Variants in OPA1 observed in about 807,000 individuals in gnomAD.
The protein encoded by OPA1 is dynamin-like GTPase OPA1, mitochondrial.
A neutral mutation model predicts 152.9 loss-of-function variants in OPA1; 59 were observed. The observed-to-expected ratio is 0.39, with a 90% confidence interval of 0.31 to 0.48. OPA1 has a LOEUF of 0.48. Among genes scored for constraint, OPA1 ranks in the 20% least tolerant of loss-of-function variants. The pLI, the probability that OPA1 is intolerant of heterozygous loss-of-function variation, is 0.96. For missense variants in OPA1, 1,008 were observed against 1,216.8 expected, an observed-to-expected ratio of 0.83 and a Z score of 2.55; for synonymous variants, 400 against 389.9, an observed-to-expected ratio of 1.03 and a Z score of -0.31.
At chr3:193,597,236 A>C (rs1249466922) in intron 1 of OPA1, among the ~76,000 whole-genome samples, 1 of 152,166 alleles carries the variant, frequency 6.6e-6, no homozygotes, top group African/African-American at 2.4e-5. Flanking sequence ...AGTGAGATAG[A>C]GGTAAAGCTA....
Position 193,627,775 on chromosome 3 carries a change from G to A in OPA1, c.789+1573G>A, listed in dbSNP as rs1731399337. ...TGTTCATTTTAAGCCTACTTTAGTA[G>A]CCTTTATTTGGGCTTAGAGATGTTA... On this transcript the variant is annotated intron_variant, in intron 7 of 30. Coordinates refer to ENST00000361510, the MANE Select transcript of OPA1 (RefSeq NM_130837.3). Among the ~76,000 whole-genome samples, 3 of 152,062 alleles carry A rather than the reference G, an allele frequency of 2.0e-5. No homozygotes were observed. In the South Asian group the frequency reaches 6.2e-4, roughly 32 times the overall value.
intron 1 of OPA1, among the ~76,000 whole-genome samples, chr3:193,603,822 G>A (rs1168143792): frequency 6.6e-6 from 1 of 152,128 alleles, no homozygotes; most frequent in African/African-American, 2.4e-5. Flanking sequence ...GTTAATTCAG[G>A]ATTATCCAGT....
At chr3:193,619,468 G>A (rs932436726) in intron 6 of OPA1, 1 of 153,864 alleles carries the variant, frequency 6.5e-6, no homozygotes, top group Non-Finnish European at 1.4e-5. Flanking sequence ...AGTTAACAAA[G>A]TTATGTATGG....
intron 29 of OPA1, among the ~76,000 whole-genome samples, chr3:193,672,742 G>A (rs1305484967): frequency 6.6e-6 from 1 of 151,838 alleles, no homozygotes; most frequent in African/African-American, 2.4e-5. Context: ...GGTGGCAGGC[G>A]CCTGTAATTC....
intron 6 of OPA1, among the ~76,000 whole-genome samples, chr3:193,623,825 A>G (rs1020375605): frequency 6.6e-6 from 1 of 152,218 alleles, no homozygotes; most frequent in Non-Finnish European, 1.5e-5. Context: ...GCCTTAGCTT[A>G]GAGGCTGTGT....
intron 1 of OPA1, among the ~76,000 whole-genome samples, chr3:193,611,391 G>A (rs1034570547): frequency 6.6e-6 from 1 of 152,188 alleles, no homozygotes; most frequent in Middle Eastern, 3.4e-3. Flanking sequence ...GAGGTCAGGA[G>A]ATCAAGACCA....
At chr3:193,679,973 A>G (rs1400103831) in intron 29 of OPA1, among the ~76,000 whole-genome samples, 1 of 152,192 alleles carries the variant, frequency 6.6e-6, no homozygotes, top group Admixed American at 6.5e-5. Flanking sequence ...CCTCTGTAAG[A>G]TAAACTCGGT....
In OPA1 at chr3:193,657,077, T is replaced by C. The variant is rs1395016916; in HGVS notation, c.2179-3T>C. The C allele has an allele frequency of 6.8e-6, 11 of 1,608,126 alleles. No individual in the cohort carries two copies. Among genetic ancestry groups the C allele is most frequent in the Non-Finnish European group, 9.3e-6 (11 of 1,178,188 alleles). Reference sequence around the variant, plus strand: ...TGGCTTTTTTTCTTTCAAATAATTATAGGTTGCTTGGGAGACCCTACAAGA... The same window carrying C: ...TGGCTTTTTTTCTTTCAAATAATTACAGGTTGCTTGGGAGACCCTACAAGA... On this transcript the variant is annotated splice_polypyrimidine_tract_variant and splice_region_variant and intron_variant, in intron 22 of 30. Transcript: ENST00000361510.
intron 1 of OPA1, 46 bp from the exon 2 acceptor site, chr3:193,614,677 A>G: frequency 3.6e-6 from 5 of 1,401,606 alleles, no homozygotes; most frequent in Non-Finnish European, 5.1e-6. Flanking sequence ...TTTCCTTTGT[A>G]CTGTTACCCT....
chr3:193,611,202 A>T (rs1728181229), intron 1 of OPA1, among the ~76,000 whole-genome samples: 1 of 152,188 alleles, frequency 6.6e-6, no homozygotes, highest in Non-Finnish European at 1.5e-5. Flanking sequence ...TTAAAATGAG[A>T]ACGAGATGGT....
chr3:193,638,645 G>GT (rs1225667071), intron 11 of OPA1, among the ~76,000 whole-genome samples: 1 of 152,142 alleles, frequency 6.6e-6, no homozygotes, highest in Non-Finnish European at 1.5e-5. Flanking sequence ...CAGAATGTCT[G>GT]TTTTTTAAAA....
intron 29 of OPA1, chr3:193,668,726 A>C: frequency 1.5e-6 from 2 of 1,304,220 alleles, no homozygotes; most frequent in East Asian, 3.8e-5. Flanking sequence ...GCAGTAGGCT[A>C]CCATGGCTTC....
intron 29 of OPA1, among the ~76,000 whole-genome samples, chr3:193,685,386 A>C (rs1252918073): frequency 6.6e-6 from 1 of 152,102 alleles, no homozygotes; most frequent in Non-Finnish European, 1.5e-5. Flanking sequence ...TTTACCTCAC[A>C]GACTTTCTTA....
intron 29 of OPA1, chr3:193,667,540 G>A (rs1716880651): frequency 2.4e-6 from 1 of 415,974 alleles, no homozygotes; most frequent in Admixed American, 2.9e-5. Flanking sequence ...GTGTGGTGGT[G>A]GGTGCCTATA....
intron 29 of OPA1, among the ~76,000 whole-genome samples, chr3:193,673,979 A>G (rs557470528): frequency 1.3e-5 from 2 of 152,210 alleles, no homozygotes; most frequent in African/African-American, 4.8e-5. Flanking sequence ...CTGACTCCCT[A>G]CGCGAGGTGG....
chr3:193,620,900 G>A (rs1421778346), intron 6 of OPA1, among the ~76,000 whole-genome samples: 2 of 152,214 alleles, frequency 1.3e-5, no homozygotes, highest in African/African-American at 2.4e-5. Flanking sequence ...TTGAATGTAA[G>A]CATGCAAAGA....
intron 6 of OPA1, chr3:193,619,718 A>G (rs1729694755): frequency 6.6e-6 from 1 of 152,270 alleles, no homozygotes; most frequent in East Asian, 1.9e-4. Flanking sequence ...AAAATATTGT[A>G]TGAATGTTTT....
At chr3:193,623,258 A>G (rs779232786) in intron 6 of OPA1, among the ~76,000 whole-genome samples, 1 of 152,162 alleles carries the variant, frequency 6.6e-6, no homozygotes, top group Admixed American at 6.5e-5. Flanking sequence ...CCACCTCTCA[A>G]TACTATCACA....
chr3:193,663,694 CTT>C (rs1715850277), intron 26 of OPA1, among the ~76,000 whole-genome samples: 1 of 152,048 alleles, frequency 6.6e-6, no homozygotes, highest in Non-Finnish European at 1.5e-5. Context: ...CACACAAACT[CTT>C]TTAAAGATTA....
Sources: gnomAD v4.1 joint callset for allele counts (sites outside exome capture counted in the v4.1 genomes callset) on GRCh38, gnomAD v4.1.1 for gene constraint, MANE v1.5 for transcripts, NCBI Gene and HGNC (gene_info 2026-07-23, HGNC 2026-07-21) for gene names.